NCKAP5: variants seen among roughly 807,000 people sequenced by gnomAD.
NCKAP5 encodes nck-associated protein 5.
In NCKAP5, 92 loss-of-function variants were observed where a neutral mutation model predicts 167.0. The observed-to-expected ratio is 0.55, with a 90% CI of 0.47 to 0.66. The LOEUF is 0.66. Among genes scored for constraint, NCKAP5 ranks in the 30% least tolerant of loss-of-function variants. The pLI is 0.00. For synonymous variants in NCKAP5, 891 were observed against 877.4 expected (o/e 1.02, Z -0.27); for missense variants, 2,378 against 2,315.0 (o/e 1.03, Z -0.56).
chr2:132,856,629 G>C (rs911166204), intron 11 of NCKAP5, among the ~76,000 whole-genome samples: 1 of 152,126 alleles, frequency 6.6e-6, no homozygotes, highest in African/African-American at 2.4e-5. Context: ...TGTCCCATCA[G>C]GATAATGGTT....
rs1558915317 is a variant in NCKAP5, at chr2:132,896,612, A to G, written c.580-17696T>C. ...GCAATAATAGACATGTAGACTGAGA[A>G]GCTGGCAGCCACCAATTTTATTAAA... On this transcript the variant is annotated intron_variant, in intron 8 of 19. Transcript: ENST00000409261. Among the ~76,000 whole-genome samples the G allele has an allele frequency of 2.0e-5, 3 of 152,332 alleles. No individual in the cohort carries two copies. In the South Asian group the frequency reaches 6.2e-4, roughly 32 times the overall value.
At chr2:133,208,271 G>A (rs2086050860) in intron 5 of NCKAP5, among the ~76,000 whole-genome samples, 1 of 152,128 alleles carries the variant, frequency 6.6e-6, no homozygotes, top group Non-Finnish European at 1.5e-5. Context: ...CCCGGCAGGA[G>A]AGGCTGCAGA....
chr2:133,390,823 A>G (rs1473518272), intron 3 of NCKAP5, among the ~76,000 whole-genome samples: 1 of 152,232 alleles, frequency 6.6e-6, no homozygotes, highest in Non-Finnish European at 1.5e-5. Context: ...CGGATAATTT[A>G]TAAAGGATCT....
chr2:133,653,522 A>G, the NCKAP5 span, among the ~76,000 whole-genome samples: 2 of 152,230 alleles, frequency 1.3e-5, no homozygotes, highest in African/African-American at 4.8e-5. Flanking sequence ...AATAAACATG[A>G]GTCTATCTCA....
intron 3 of NCKAP5, among the ~76,000 whole-genome samples, chr2:133,514,633 T>G (rs564465319): frequency 1.4e-4 from 21 of 152,314 alleles, no homozygotes; most frequent in African/African-American, 5.1e-4. Context: ...AAGTGGAAAT[T>G]ACCTCTGGGC....
intron 3 of NCKAP5, among the ~76,000 whole-genome samples, chr2:133,470,609 C>T (rs910205750): frequency 2.0e-5 from 3 of 152,240 alleles, no homozygotes; most frequent in African/African-American, 7.2e-5. Flanking sequence ...CCTCCCCCAG[C>T]CTCGCTGCCG....
chr2:133,539,237 G>GC (rs577434968), intron 2 of NCKAP5, among the ~76,000 whole-genome samples: 225 of 152,044 alleles, frequency 1.5e-3, no homozygotes, highest in African/African-American at 5.1e-3. Flanking sequence ...TCCATGCCTG[G>GC]CCCCCCAGTT....
At chr2:133,113,248 T>C (rs539465612) in intron 6 of NCKAP5, among the ~76,000 whole-genome samples, 1 of 152,196 alleles carries the variant, frequency 6.6e-6, no homozygotes, top group African/African-American at 2.4e-5. Flanking sequence ...GTGTTAATTC[T>C]ACAAAACAGA....
rs191695686 is a variant in NCKAP5, at chr2:133,541,197, T to G, written c.-62+17853A>C. Reference sequence around the variant, plus strand: ...GGTAGAAATAAAAAACATAAAAAATTAAATCCTTTTGAAGGTAACTTCATG... The same window carrying G: ...GGTAGAAATAAAAAACATAAAAAATGAAATCCTTTTGAAGGTAACTTCATG... On this transcript the variant is annotated intron_variant, in intron 2 of 19. Transcript: ENST00000409261. 1.5e-4 allele frequency among the ~76,000 whole-genome samples: 23 copies of G among 151,826 alleles called. No individual in the cohort carries two copies. In the East Asian group the frequency reaches 4.3e-3, roughly 28 times the overall value.
intron 6 of NCKAP5, among the ~76,000 whole-genome samples, chr2:132,999,434 T>C (rs2077707491): frequency 6.6e-6 from 1 of 152,216 alleles, no homozygotes; most frequent in Non-Finnish European, 1.5e-5. Flanking sequence ...CCTTTTAAAA[T>C]ACGGACCACT....
the NCKAP5 span, among the ~76,000 whole-genome samples, chr2:133,650,324 A>G: frequency 6.6e-6 from 1 of 152,242 alleles, no homozygotes; most frequent in African/African-American, 2.4e-5. Flanking sequence ...ATAACTAAAA[A>G]AAAGTCAAAT....
intron 8 of NCKAP5, among the ~76,000 whole-genome samples, chr2:132,948,119 G>A (rs139801498): frequency 1.4e-3 from 206 of 152,222 alleles, no homozygotes; most frequent in African/African-American, 4.7e-3. Flanking sequence ...AACAATAAAC[G>A]GTAATGATGA....
chr2:132,784,700 C>A lies in NCKAP5; in HGVS notation c.2111G>T (p.Gly704Val). 6.2e-7 allele frequency: 1 copy of A among 1,613,970 alleles called. No homozygotes were observed. The highest frequency in any genetic ancestry group is 8.5e-7 in the Non-Finnish European group (1 of 1,179,882). The change falls in exon 14 of 20, where the codon GGA becomes GTA. Residue 704 changes from glycine (G) to valine (V), a missense_variant. Gly to Val is a moderately radical substitution (Grantham distance 109). This residue lies in a region of NCKAP5 where 1,049 missense variants were observed against 1,023.4 expected (regional missense o/e 1.02). Coordinates refer to ENST00000409261, the MANE Select transcript of NCKAP5 (RefSeq NM_207363.3). ...AAGCTCAGTATGTTCTGCCTTGGGT[C>A]CAGCAGGAGTTGAATTGATGGAAAT... ...NEISINSTPA[G>V]PKAEHTELLP...
chr2:133,238,590 C>G (rs1005215344), intron 4 of NCKAP5, among the ~76,000 whole-genome samples: 1 of 152,188 alleles, frequency 6.6e-6, no homozygotes, highest in African/African-American at 2.4e-5. Context: ...TGTCTAGTCT[C>G]TCCTAAACGA....
At chr2:132,950,555 T>C (rs527341250) in intron 8 of NCKAP5, among the ~76,000 whole-genome samples, 9 of 152,296 alleles carry the variant, frequency 5.9e-5, no homozygotes, top group Non-Finnish European at 5.9e-5. Context: ...TCTCAGGAAA[T>C]ACCCCGACAC....
At chr2:133,351,396 AT>A (rs370977832) in intron 3 of NCKAP5, among the ~76,000 whole-genome samples, 2 of 152,012 alleles carry the variant, frequency 1.3e-5, no homozygotes, top group Non-Finnish European at 2.9e-5. Context: ...TTGAGCCTTA[AT>A]TTTTTTCATC....
chr2:133,153,769 C>T (rs1271250016), intron 5 of NCKAP5, among the ~76,000 whole-genome samples: 11 of 151,744 alleles, frequency 7.2e-5, no homozygotes, highest in African/African-American at 2.4e-4. Context: ...CACCCCTAAT[C>T]GCCTTAGTTT....
intron 5 of NCKAP5, among the ~76,000 whole-genome samples, chr2:133,202,536 T>C (rs1386677010): frequency 6.6e-6 from 1 of 152,040 alleles, no homozygotes; most frequent in Non-Finnish European, 1.5e-5. Flanking sequence ...AATTGACAAA[T>C]GGGATCTCAT....
the NCKAP5 span, among the ~76,000 whole-genome samples, chr2:133,643,834 C>G: frequency 1.3e-5 from 2 of 152,110 alleles, no homozygotes; most frequent in East Asian, 3.9e-4. Flanking sequence ...TTGAAAGTGC[C>G]ATGTACTCTC....
Sources: gnomAD v4.1 joint callset for allele counts (sites outside exome capture counted in the v4.1 genomes callset) on GRCh38, gnomAD v4.1.1 for gene constraint, gnomAD v4.1.1 regional missense constraint, MANE v1.5 for transcripts, NCBI Gene and HGNC (gene_info 2026-07-23, HGNC 2026-07-21) for gene names.